The following ZNF536 variants were observed in gnomAD, a reference collection of about 807,000 sequenced individuals.
ZNF536 encodes the protein zinc finger protein 536.
ZNF536 carries 13 observed loss-of-function variants against 84.5 expected under a neutral mutation model. That is an observed-to-expected ratio of 0.15 (90% CI 0.10 to 0.24). The LOEUF (loss-of-function observed/expected upper bound fraction) is 0.24, where lower values mean the gene tolerates loss of function less well. Ranked by LOEUF, ZNF536 falls within the 10% of genes least tolerant of loss-of-function variation. The pLI is 1.00. For synonymous variants in ZNF536, 811 were observed against 742.5 expected, an observed-to-expected ratio of 1.09 and a Z score of -1.50; for missense variants, 1,536 against 1,747.5, an observed-to-expected ratio of 0.88 and a Z score of 2.16.
At chr19:30,383,715 CTTTCTT>C (rs1568376641) in intron 1 of ZNF536, among the ~76,000 whole-genome samples, 3 of 40,374 alleles carry the variant, frequency 7.4e-5, no homozygotes, top group Non-Finnish European at 1.7e-4. Flanking sequence ...TTCTTTCTTT[CTTTCTT>C]TCTTTCTTTC....
intron 2 of ZNF536, among the ~76,000 whole-genome samples, chr19:30,491,605 A>G (rs1261913313): frequency 6.6e-6 from 1 of 152,150 alleles, no homozygotes; most frequent in Non-Finnish European, 1.5e-5. Flanking sequence ...TTTCCCTCAA[A>G]TGGATTTTTC....
At chr19:30,589,112 G>A (rs2047192527) in intron 1 of ZNF536, among the ~76,000 whole-genome samples, 1 of 152,140 alleles carries the variant, frequency 6.6e-6, no homozygotes, top group African/African-American at 2.4e-5. Flanking sequence ...GTTCTCAATA[G>A]GAAGGAACCT....
intron 1 of ZNF536, among the ~76,000 whole-genome samples, chr19:30,278,595 G>A (rs1394850491): frequency 6.6e-6 from 1 of 152,150 alleles, no homozygotes; most frequent in Non-Finnish European, 1.5e-5. Context: ...GCTGAGGCTG[G>A]TTTGGGAGCT....
At chr19:30,546,473 C>T (rs561432527) in intron 3 of ZNF536, among the ~76,000 whole-genome samples, 14 of 152,188 alleles carry the variant, frequency 9.2e-5, no homozygotes, top group Non-Finnish European at 1.6e-4. Context: ...GGCAGGGTAA[C>T]CACGGTTCTG....
intron 1 of ZNF536, among the ~76,000 whole-genome samples, chr19:30,673,525 T>C (rs2050640199): frequency 6.6e-6 from 1 of 152,168 alleles, no homozygotes; most frequent in African/African-American, 2.4e-5. Context: ...GACTGGCACA[T>C]ACATCGCCCG....
At chr19:30,228,181 G>C (rs572695189), upstream of ZNF536, 4 of 152,196 alleles carry the variant, frequency 2.6e-5, no homozygotes, top group Non-Finnish European at 4.4e-5. The surrounding 1 kb of genome is among the most constrained non-coding windows in gnomAD (Gnocchi z 4.5). Flanking sequence ...GGGTTGGGAG[G>C]GGGGGCGATC....
chr19:30,538,556 C>T (rs770341814), intron 3 of ZNF536, among the ~76,000 whole-genome samples: 1 of 152,048 alleles, frequency 6.6e-6, no homozygotes, highest in Non-Finnish European at 1.5e-5. Context: ...TCTGGGAGCC[C>T]GAGAGAGCCT....
intron 1 of ZNF536, among the ~76,000 whole-genome samples, chr19:30,407,543 C>T (rs1054669653): frequency 7.9e-5 from 12 of 152,158 alleles, no homozygotes; most frequent in South Asian, 2.1e-4. Flanking sequence ...AGTCACAAGC[C>T]GGGGCCTCAC....
At chr19:30,677,380 A>T (rs2050789740) in intron 1 of ZNF536, among the ~76,000 whole-genome samples, 1 of 152,214 alleles carries the variant, frequency 6.6e-6, no homozygotes, top group Non-Finnish European at 1.5e-5. Flanking sequence ...GGCCTCTGAA[A>T]GGTGCCCTCC....
At chr19:30,637,855 A>G (rs1172391792) in intron 1 of ZNF536, among the ~76,000 whole-genome samples, 1 of 152,084 alleles carries the variant, frequency 6.6e-6, no homozygotes, top group South Asian at 2.1e-4. Flanking sequence ...TTTTTTTTAT[A>G]GCAAGGGTTA....
At chr19:30,642,891 C>T (rs2049317348) in intron 1 of ZNF536, among the ~76,000 whole-genome samples, 1 of 152,236 alleles carries the variant, frequency 6.6e-6, no homozygotes, top group East Asian at 1.9e-4. Context: ...GAGCCCAGCT[C>T]CCTGAGGGAC....
At chr19:30,260,677 G>A (rs2025160484) in intron 1 of ZNF536, among the ~76,000 whole-genome samples, 1 of 152,222 alleles carries the variant, frequency 6.6e-6, no homozygotes, top group East Asian at 1.9e-4. Flanking sequence ...GTGACAGGCT[G>A]ATGGCCTTCT....
intron 1 of ZNF536, among the ~76,000 whole-genome samples, chr19:30,615,094 G>C (rs1368644708): frequency 2.1e-5 from 3 of 143,948 alleles, no homozygotes; most frequent in Non-Finnish European, 3.1e-5. Flanking sequence ...CTACAGGTGC[G>C]CGCCACCATG....
intron 2 of ZNF536, among the ~76,000 whole-genome samples, chr19:30,462,146 T>G (rs539504325): frequency 6.6e-6 from 1 of 152,260 alleles, no homozygotes; most frequent in African/African-American, 2.4e-5. Context: ...CACTTTGCAC[T>G]GGACACATGC....
chr19:30,479,823 G>T (rs1437894061), intron 2 of ZNF536, among the ~76,000 whole-genome samples: 1 of 152,216 alleles, frequency 6.6e-6, no homozygotes, highest in Non-Finnish European at 1.5e-5. Flanking sequence ...ACCAGCCACT[G>T]ATCCACTTCT....
chr19:30,484,218 T>C (rs2054202561), intron 2 of ZNF536, among the ~76,000 whole-genome samples: 1 of 149,684 alleles, frequency 6.7e-6, no homozygotes, highest in African/African-American at 2.5e-5. Flanking sequence ...GTGTTTTCTC[T>C]CATTTTGATT....
chr19:30,528,434 T>C (rs1039863919), intron 2 of ZNF536, among the ~76,000 whole-genome samples: 2 of 152,190 alleles, frequency 1.3e-5, no homozygotes, highest in Non-Finnish European at 2.9e-5. Flanking sequence ...TTAATTGGAC[T>C]CCCTGGAAGA....
chr19:30,491,508 C>T (rs1312203771), intron 2 of ZNF536, among the ~76,000 whole-genome samples: 2 of 152,166 alleles, frequency 1.3e-5, no homozygotes, highest in African/African-American at 2.4e-5. Context: ...CCTTTTGTTG[C>T]GATCTCCCAG....
chr19:30,384,718 C>G (rs2030617871), intron 1 of ZNF536, among the ~76,000 whole-genome samples: 1 of 152,036 alleles, frequency 6.6e-6, no homozygotes. Flanking sequence ...ATAGGGGTAC[C>G]AAATGGTGTT....
Sources: allele counts gnomAD v4.1 joint callset (sites outside exome capture counted in the v4.1 genomes callset), GRCh38; gene constraint gnomAD v4.1.1; non-coding constraint Gnocchi (gnomAD v3.1); transcripts MANE v1.5; gene names NCBI Gene and HGNC (gene_info 2026-07-23, HGNC 2026-07-21).